Variants in AIMP1 observed in about 807,000 individuals in gnomAD.
AIMP1 encodes the protein aminoacyl tRNA synthase complex-interacting multifunctional protein 1.
In AIMP1, 24 loss-of-function variants were observed where a neutral mutation model predicts 33.1. That is an observed-to-expected ratio of 0.73 (90% CI 0.53 to 1.02). The LOEUF is 1.02. AIMP1 is among the 50% of genes least tolerant of loss of function. AIMP1 has a pLI of 0.00. For synonymous variants in AIMP1, 120 were observed against 121.5 expected (o/e 0.99, Z 0.08); for missense variants, 367 against 364.8 (o/e 1.01, Z -0.05).
rs141797877 is a variant in AIMP1 at position 106,320,778 on chromosome 4, C to T, written c.-26+4184C>T. On this transcript the variant is annotated intron_variant, in intron 1 of 6. Transcript: ENST00000672341. Reference sequence around the variant, plus strand: ...TCCCTCTCCCTCTCCCTCTCCGCACCGTCTCCCTCTGATGCCGAGCCGAGG... The same window carrying T: ...TCCCTCTCCCTCTCCCTCTCCGCACTGTCTCCCTCTGATGCCGAGCCGAGG... 9.4e-3 allele frequency among the ~76,000 whole-genome samples: 1,433 copies of T among 152,194 alleles called. 8 individuals are homozygous for T. The highest frequency in any genetic ancestry group is 0.015 in the Non-Finnish European group (1,037 of 68,004).
intron 4 of AIMP1, among the ~76,000 whole-genome samples, chr4:106,329,042 C>CT (rs33975641): frequency 0.15 from 20,374 of 136,738 alleles, 1,599 homozygotes; most frequent in South Asian, 0.26. Flanking sequence ...AACTTATTTA[C>CT]TTTTTTTTTT....
intron 6 of AIMP1, among the ~76,000 whole-genome samples, chr4:106,346,277 T>C (rs533826617): frequency 7.8e-4 from 118 of 152,224 alleles, no homozygotes; most frequent in Non-Finnish European, 1.5e-3. Flanking sequence ...AATTTTTCTT[T>C]TATTATAAAA....
intron 6 of AIMP1, among the ~76,000 whole-genome samples, chr4:106,342,842 A>G (rs1770148464): frequency 6.6e-6 from 1 of 151,060 alleles, no homozygotes; most frequent in African/African-American, 2.4e-5. Flanking sequence ...TAGTCTCAGT[A>G]GGATTGGTAC....
chr4:106,329,761 C>G (rs955412942), intron 4 of AIMP1, among the ~76,000 whole-genome samples: 1 of 138,952 alleles, frequency 7.2e-6, no homozygotes, highest in African/African-American at 2.6e-5. Flanking sequence ...TCTTTCTAGA[C>G]TGCTACATAT....
At position 106,324,847 on chromosome 4, in the gene AIMP1, A is replaced by G. The variant is rs888826210; in HGVS notation, c.-25-138A>G. ...CTATTTGTTTGGCTTGTTGCTCTCC[A>G]TAGGAAAACTATTTTTCTAAGATAT... On this transcript the variant is annotated intron_variant, in intron 1 of 6. Transcript: ENST00000672341. 4 of 645,822 alleles carry G rather than the reference A, an allele frequency of 6.2e-6. 1 individual carries two copies. In the South Asian group the frequency reaches 1.5e-4, roughly 24 times the overall value. The allele number at this position is 645,822 out of a possible 1,614,324, so 40.0% of individuals were successfully genotyped here. A position where few individuals can be genotyped will look rare whatever the true frequency, so the allele number is the denominator to read the frequency against.
chr4:106,334,198 G>GC (rs1282351007), intron 5 of AIMP1, among the ~76,000 whole-genome samples: 1 of 151,794 alleles, frequency 6.6e-6, no homozygotes, highest in Non-Finnish European at 1.5e-5. Context: ...ATAGCTGCAA[G>GC]TATTTATTAA....
intron 1 of AIMP1, among the ~76,000 whole-genome samples, 171 bp from the exon 2 acceptor site, chr4:106,324,814 C>A (rs926503934): frequency 6.6e-5 from 10 of 152,234 alleles, no homozygotes; most frequent in African/African-American, 2.2e-4. Flanking sequence ...GTCTACTTAA[C>A]ATTTCTGCTA....
intron 6 of AIMP1, among the ~76,000 whole-genome samples, chr4:106,339,257 G>C (rs1285015000): frequency 6.6e-6 from 1 of 152,168 alleles, no homozygotes; most frequent in Non-Finnish European, 1.5e-5. Flanking sequence ...CATGAGATTT[G>C]GGAGGGGCCA....
intron 6 of AIMP1, among the ~76,000 whole-genome samples, chr4:106,342,791 G>T (rs546227144): frequency 1.3e-5 from 2 of 152,208 alleles, no homozygotes; most frequent in South Asian, 4.1e-4. Flanking sequence ...GCTGATGCTG[G>T]CTTCACAAGG....
chr4:106,321,241 C>T lies in AIMP1; in HGVS notation c.-25-3744C>T, dbSNP rs569033460. 1.4e-4 allele frequency: 23 copies of T among 159,084 alleles called. No individual in the cohort carries two copies. The South Asian group carries it at 1.5e-3, about 11-fold the overall frequency. 9.9% of individuals were successfully genotyped at this position (159,084 alleles called of 1,614,324 possible). A position where few individuals can be genotyped will look rare whatever the true frequency, so the allele number is the denominator to read the frequency against. ...GATGTGAGGAGCCCCTCTGCCCGGCCGCCCAGTCTGGGAAGTGAGGAGCAC... is the reference window on the plus strand; with the variant it reads ...GATGTGAGGAGCCCCTCTGCCCGGCTGCCCAGTCTGGGAAGTGAGGAGCAC... On this transcript the variant is annotated intron_variant, in intron 1 of 6. Transcript: ENST00000672341.
Position 106,347,714 on chromosome 4 carries a change from CATT to C in AIMP1, c.*24_*26del. ...ATAAAATGCTTCCACTACCAAAAGA[CATT>C]AGAGAAAACCTTAAAAGTAATAAAG... On this transcript the variant is annotated 3_prime_UTR_variant, in exon 7 of 7. Transcript: ENST00000672341. 6.2e-7 allele frequency: 1 copy of C among 1,608,120 alleles called. No individual in the cohort carries two copies.
intron 4 of AIMP1, 79 bp downstream of exon 4, chr4:106,328,322 T>C (rs1272693023): frequency 6.8e-7 from 1 of 1,467,900 alleles, no homozygotes; most frequent in Non-Finnish European, 9.2e-7. Context: ...ATAATAATAA[T>C]AGTATCAAAA....
Position 106,347,610 on chromosome 4 carries a change from C to CTACA in AIMP1, c.862_865dup (p.Lys289IlefsTer7). The CTACA allele has an allele frequency of 6.2e-7, 1 of 1,613,302 alleles. No individual in the cohort carries two copies. Among genetic ancestry groups the CTACA allele is most frequent in the African/African-American group, 1.3e-5 (1 of 74,934 alleles). ...CTTCACACTAATGATGAGTGTGTGG[C>CTACA]TACATACAAAGGAGTTCCCTTTGAG... On this transcript the variant is annotated frameshift_variant, in exon 7 of 7. Coordinates refer to ENST00000672341, the MANE Select transcript of AIMP1 (RefSeq NM_001142416.2). LOFTEE classifies it high-confidence loss of function.
intron 5 of AIMP1, 99 bp from the exon 6 acceptor site, chr4:106,336,770 C>T: frequency 2.6e-6 from 3 of 1,150,378 alleles, no homozygotes; most frequent in Admixed American, 3.4e-5. Flanking sequence ...AAAAGTAGAA[C>T]ATTTGATACT....
chr4:106,319,580 T>C (rs1490137757), intron 1 of AIMP1, among the ~76,000 whole-genome samples: 1 of 152,202 alleles, frequency 6.6e-6, no homozygotes, highest in African/African-American at 2.4e-5. Context: ...CATTTTAATT[T>C]AGTAAAGGAA....
At chr4:106,330,244 A>C (rs1561026486) in intron 4 of AIMP1, among the ~76,000 whole-genome samples, 2 of 152,220 alleles carry the variant, frequency 1.3e-5, no homozygotes, top group African/African-American at 4.8e-5. Context: ...TAGGAAGTAC[A>C]TTAGAGTTTT....
intron 1 of AIMP1, among the ~76,000 whole-genome samples, chr4:106,323,888 C>A (rs1490976973): frequency 2.6e-5 from 4 of 151,924 alleles, no homozygotes; most frequent in African/African-American, 9.7e-5. Flanking sequence ...TCATCTTATT[C>A]AAATTTCAAA....
intron 1 of AIMP1, among the ~76,000 whole-genome samples, chr4:106,323,488 ACT>A: frequency 6.6e-6 from 1 of 151,884 alleles, no homozygotes; most frequent in Non-Finnish European, 1.5e-5. Context: ...CCACCTTTAA[ACT>A]CTGCTATTTT....
At chr4:106,340,947 A>G (rs958889570) in intron 6 of AIMP1, among the ~76,000 whole-genome samples, 37 of 152,006 alleles carry the variant, frequency 2.4e-4, no homozygotes, top group African/African-American at 8.9e-4. Context: ...TTTTTGTCTT[A>G]GTAATAGCCA....
Sources: allele counts gnomAD v4.1 joint callset (sites outside exome capture counted in the v4.1 genomes callset), GRCh38; gene constraint gnomAD v4.1.1; transcripts MANE v1.5; gene names NCBI Gene and HGNC (gene_info 2026-07-23, HGNC 2026-07-21).